The following ZFYVE26 variants were observed in gnomAD, a reference collection of about 807,000 sequenced individuals.
ZFYVE26 encodes zinc finger FYVE domain-containing protein 26.
A neutral mutation model predicts 276.5 loss-of-function variants in ZFYVE26; 181 were observed. The ratio of observed to expected loss-of-function variants is 0.65; its 90% CI spans 0.58 to 0.74. The LOEUF (loss-of-function observed/expected upper bound fraction) is 0.74. ZFYVE26 is among the 30% of genes least tolerant of loss of function. ZFYVE26 has a pLI of 0.00. For synonymous variants in ZFYVE26, 1,129 were observed against 1,203.1 expected (o/e 0.94, Z 1.27); for missense variants, 2,821 against 3,097.9 (o/e 0.91, Z 2.12).
At chr14:67,810,259 C>G (rs956520257) in intron 3 of ZFYVE26, among the ~76,000 whole-genome samples, 4 of 152,062 alleles carry the variant, frequency 2.6e-5, no homozygotes, top group Non-Finnish European at 4.4e-5. Flanking sequence ...TTCAAAACAC[C>G]CAGTTGTGGG....
At chr14:67,805,920 G>A (rs1342733168) in intron 6 of ZFYVE26, among the ~76,000 whole-genome samples, 1 of 152,162 alleles carries the variant, frequency 6.6e-6, no homozygotes, top group African/African-American at 2.4e-5. Flanking sequence ...CCAGCTACTT[G>A]GGAGGCTGAG....
chr14:67,792,059 CAA>C lies in ZFYVE26; in HGVS notation c.2554-1288_2554-1287del, dbSNP rs35352929. ...TGGGTGAGAAAGTGAGACTCTGCTT[CAA>C]AAAAAAAAAAAAAGAAAAAGAAAGG... On this transcript the variant is annotated intron_variant, in intron 14 of 41. Coordinates refer to ENST00000347230, the MANE Select transcript of ZFYVE26 (RefSeq NM_015346.4). 4.6e-3 allele frequency among the ~76,000 whole-genome samples: 295 copies of C among 63,616 alleles called. 3 individuals carry two copies. The highest frequency in any genetic ancestry group is 0.015 in the African/African-American group (240 of 16,354). The allele number at this position is 63,616 out of a possible 152,430, so 41.7% of individuals were successfully genotyped here. A position where few individuals can be genotyped will look rare whatever the true frequency, so the allele number is the denominator to read the frequency against.
In ZFYVE26 at chr14:67,799,524, G is replaced by A. The variant is rs539800168; in HGVS notation, c.1640-902C>T. On this transcript the variant is annotated intron_variant, in intron 10 of 41. Coordinates refer to ENST00000347230, the MANE Select transcript of ZFYVE26 (RefSeq NM_015346.4). ...AAGGATCGGCAAAAGGAAATGGACA[G>A]TTTTCTGGCTCAGATGGAAGCAAAG... 1.2e-5 allele frequency: 19 copies of A among 1,588,208 alleles called. No homozygotes were observed. The African/African-American group carries it at 2.0e-4, about 17-fold the overall frequency.
In ZFYVE26 at chr14:67,793,671, G is replaced by T; in HGVS notation, c.2490C>A (p.Phe830Leu). 1 of 1,613,946 alleles carries T rather than the reference G, an allele frequency of 6.2e-7. No individual in the cohort carries two copies. The highest frequency in any genetic ancestry group is 8.5e-7 in the Non-Finnish European group (1 of 1,179,886). The change falls in exon 14 of 42, where the codon TTC (phenylalanine) becomes TTA (leucine). Residue 830 changes from phenylalanine to leucine, a missense_variant. Coordinates refer to ENST00000347230, the MANE Select transcript of ZFYVE26 (RefSeq NM_015346.4). Reference sequence around the variant, plus strand: ...ATGCCAGCAGTGACTCAGGTGGGGAGAACATCATGGGGATGAGTGAACTTT... The same window carrying T: ...ATGCCAGCAGTGACTCAGGTGGGGATAACATCATGGGGATGAGTGAACTTT... Reference protein sequence around the residue: ...HPQSSLIPMMFSPPESLLASC... With the variant: ...HPQSSLIPMMLSPPESLLASC...
chr14:67,789,708 G>T (rs1314523538), intron 15 of ZFYVE26, 110 bp from the exon 16 acceptor site: 2 of 1,410,692 alleles, frequency 1.4e-6, no homozygotes, highest in African/African-American at 1.4e-5. Context: ...TCTGCACAGG[G>T]TATCTTTCAT....
intron 19 of ZFYVE26, 101 bp from the exon 20 acceptor site, chr14:67,784,537 G>A (rs1594915354): frequency 8.9e-6 from 9 of 1,013,944 alleles, no homozygotes; most frequent in East Asian, 2.4e-5. Context: ...TCAAGATGAA[G>A]ACAATATGGA....
In ZFYVE26 at chr14:67,806,606, G is replaced by A. The variant is rs765552636; in HGVS notation, c.956C>T (p.Ala319Val). 8 of 1,614,062 alleles carry A rather than the reference G, an allele frequency of 5.0e-6. No homozygotes were observed. The highest frequency in any genetic ancestry group is 5.9e-6 in the Non-Finnish European group (7 of 1,180,004). ...ALFSNPNPAE[A>V]WKVAYFYCLS... ...GCAGTAGAAATAGGCCACTTTCCAA[G>A]CCTCGGCTGGGTTGGGATTGGAGAA... Residue 319 changes from alanine (A) to valine (V), a missense_variant, in exon 6 of 42, where the codon GCT (alanine) becomes GTT (valine). Coordinates refer to ENST00000347230, the MANE Select transcript of ZFYVE26 (RefSeq NM_015346.4).
intron 12 of ZFYVE26, among the ~76,000 whole-genome samples, chr14:67,794,699 C>T (rs772938963): frequency 4.9e-4 from 75 of 152,268 alleles, no homozygotes; most frequent in African/African-American, 1.3e-3. Flanking sequence ...AATCCCAGCA[C>T]GTTGGGAGGC....
intron 29 of ZFYVE26, 143 bp downstream of exon 29, chr14:67,769,451 G>C: frequency 7.9e-7 from 1 of 1,262,348 alleles, no homozygotes; most frequent in African/African-American, 1.5e-5. Flanking sequence ...AAACCCTTCA[G>C]TGTAGAGTTA....
At position 67,781,457 on chromosome 14, in the gene ZFYVE26, A is replaced by G. The variant is rs1158154725; in HGVS notation, c.4445T>C (p.Val1482Ala). 12 of 1,614,222 alleles carry G rather than the reference A, an allele frequency of 7.4e-6. No homozygotes were observed. The South Asian group carries it at 1.3e-4, about 18-fold the overall frequency. The change falls in exon 22 of 42, where the codon GTG (valine) becomes GCG (alanine). Residue 1482 changes from valine to alanine, a missense_variant. Physicochemically the swap from Val to Ala is moderately conservative, Grantham distance 64 (BLOSUM62 0). Transcript: ENST00000347230. ...GCATGACTCCAGGGGCCACCTGTCC[A>G]CAAACTGTAGGGCCAGCCGACTTCT... is the stretch of plus-strand genomic sequence containing the variant. ...SLRSRLALQFVDRWPLESCLE... is the reference protein window; with the variant it reads ...SLRSRLALQFADRWPLESCLE...
At chr14:67,772,401 A>G (rs1279685644) in intron 27 of ZFYVE26, among the ~76,000 whole-genome samples, 191 bp from the exon 28 acceptor site, 1 of 152,238 alleles carries the variant, frequency 6.6e-6, no homozygotes, top group Non-Finnish European at 1.5e-5. Flanking sequence ...ATGGATGTGT[A>G]CACCACCTGC....
chr14:67,766,144 TA>T (rs568191452), intron 32 of ZFYVE26, 82 bp downstream of exon 32: 2 of 1,334,630 alleles, frequency 1.5e-6, no homozygotes, highest in Non-Finnish European at 2.1e-6. Flanking sequence ...GATGGTGAGA[TA>T]AAAAAATCAC....
rs1213940479 is a variant in ZFYVE26 at position 67,762,752 on chromosome 14, C to T, written c.6079G>A (p.Asp2027Asn). The change falls in exon 33 of 42, where the codon GAT (aspartate) becomes AAT (asparagine). Residue 2027 changes from aspartate (D) to asparagine (N), a missense_variant. Transcript: ENST00000347230. ...AAAYRHVPSL[D>N]QILQPAAVTR... Reference sequence around the variant, plus strand: ...ACTGCAGCTGGCTGCAAGATCTGATCCAAAGATGGCACGTGGCGATAGGCA... The same window carrying T: ...ACTGCAGCTGGCTGCAAGATCTGATTCAAAGATGGCACGTGGCGATAGGCA... 2 of 1,614,186 alleles carry T rather than the reference C, an allele frequency of 1.2e-6. No individual in the cohort carries two copies. The highest frequency in any genetic ancestry group is 1.3e-5 in the African/African-American group (1 of 75,038).
chr14:67,806,397 A>T (rs369354443), intron 6 of ZFYVE26, 148 bp downstream of exon 6: 187 of 932,964 alleles, frequency 2.0e-4, no homozygotes, highest in Middle Eastern at 2.5e-4. Flanking sequence ...CTCCTTTCCC[A>T]TGGGACTGTG....
intron 13 of ZFYVE26, chr14:67,729,859 TATC>T (rs768323102): frequency 1.8e-5 from 8 of 455,162 alleles, no homozygotes; most frequent in Non-Finnish European, 3.1e-5. Flanking sequence ...TGCTGAATCT[TATC>T]ATGAACTCAA....
At position 67,786,252 on chromosome 14, in the gene ZFYVE26, A is replaced by G; in HGVS notation, c.3020-19T>C. 1 of 1,499,162 alleles carries G rather than the reference A, an allele frequency of 6.7e-7. No individual in the cohort carries two copies. The highest frequency in any genetic ancestry group is 1.7e-5 in the African/African-American group (1 of 59,940). 92.9% of individuals were successfully genotyped at this position (1,499,162 alleles called of 1,614,324 possible). A position where few individuals can be genotyped will look rare whatever the true frequency, so the allele number is the denominator to read the frequency against. On this transcript the variant is annotated intron_variant, in intron 16 of 41. Coordinates refer to ENST00000347230, the MANE Select transcript of ZFYVE26 (RefSeq NM_015346.4). ...CGTCGACCTGGAAATAGATGAAGGA[A>G]GAGGGAATGCAAAAAAAAAAAATTG...
At chr14:67,737,900 C>A (rs1330214900) in intron 13 of ZFYVE26, among the ~76,000 whole-genome samples, 2 of 152,032 alleles carry the variant, frequency 1.3e-5, no homozygotes, top group African/African-American at 2.4e-5. Flanking sequence ...TCAATAAGAA[C>A]AAGACACAGA....
intron 13 of ZFYVE26, among the ~76,000 whole-genome samples, chr14:67,741,306 A>G (rs1341599234): frequency 6.6e-6 from 1 of 152,212 alleles, no homozygotes; most frequent in Non-Finnish European, 1.5e-5. Flanking sequence ...ATGTATTTGT[A>G]AATACACTTA....
intron 4 of ZFYVE26, 87 bp from the exon 5 acceptor site, chr14:67,808,007 TTTAC>T: frequency 6.7e-7 from 1 of 1,486,270 alleles, no homozygotes; most frequent in Admixed American, 1.8e-5. Context: ...TCTTTTTCAG[TTTAC>T]TTATATAATA....
Sources: allele counts gnomAD v4.1 joint callset (sites outside exome capture counted in the v4.1 genomes callset), GRCh38; gene constraint gnomAD v4.1.1; transcripts MANE v1.5; gene names NCBI Gene and HGNC (gene_info 2026-07-23, HGNC 2026-07-21).